Variants in TRMT11 observed in about 807,000 individuals in gnomAD.
TRMT11 encodes the protein tRNA methyltransferase 11.
Under a neutral mutation model 62.8 loss-of-function variants are expected in TRMT11, and 53 were observed. That is an observed-to-expected ratio of 0.84 (90% confidence interval 0.68 to 1.06). The LOEUF (loss-of-function observed/expected upper bound fraction) is 1.06. TRMT11 is among the 50% of genes least tolerant of loss of function. TRMT11 has a pLI of 0.00. For synonymous variants in TRMT11, 188 were observed against 190.3 expected (o/e 0.99, Z 0.10); for missense variants, 556 against 553.4 (o/e 1.00, Z -0.05).
chr6:126,154,331 GTGTGTGTA>G (rs1416043268), intron 21 of TRMT11, among the ~76,000 whole-genome samples: 6 of 145,462 alleles, frequency 4.1e-5, no homozygotes, highest in South Asian at 2.1e-4. Flanking sequence ...AGATATGTGT[GTGTGTGTA>G]TGTGTGTGTG....
chr6:126,151,717 T>C (rs1778041240), intron 21 of TRMT11, among the ~76,000 whole-genome samples: 1 of 150,528 alleles, frequency 6.6e-6, no homozygotes, highest in African/African-American at 2.4e-5. Context: ...TCTCTTTCCC[T>C]CCTTCCCTCC....
At chr6:126,256,155 T>C in the TRMT11 span, among the ~76,000 whole-genome samples, 2 of 152,226 alleles carry the variant, frequency 1.3e-5, no homozygotes, top group African/African-American at 4.8e-5. Context: ...CATGTGAGTG[T>C]TTCCATTGGG....
chr6:126,101,775 C>T (rs140950689), intron 17 of TRMT11, among the ~76,000 whole-genome samples: 210 of 152,360 alleles, frequency 1.4e-3, no homozygotes, highest in African/African-American at 4.9e-3. Context: ...TCATGCTCTT[C>T]TGTTCTTTTG....
chr6:126,088,738 T>G (rs541398706), intron 17 of TRMT11, among the ~76,000 whole-genome samples: 21 of 152,214 alleles, frequency 1.4e-4, no homozygotes, highest in Non-Finnish European at 2.4e-4. Flanking sequence ...ATGAGCATCT[T>G]TTAATTAGAG....
chr6:126,253,864 C>A, the TRMT11 span, among the ~76,000 whole-genome samples: 4 of 152,310 alleles, frequency 2.6e-5, no homozygotes, highest in Admixed American at 2.6e-4. Context: ...CTCTTCCTAG[C>A]AGACCTAGAA....
intron 21 of TRMT11, among the ~76,000 whole-genome samples, chr6:126,121,878 C>T (rs574912520): frequency 9.9e-5 from 15 of 152,216 alleles, no homozygotes; most frequent in Non-Finnish European, 1.5e-4. Context: ...GACACACAAA[C>T]AGCTCATCTG....
At chr6:126,195,633 G>A (rs746924103) in intron 1 of TRMT11, among the ~76,000 whole-genome samples, 1 of 152,128 alleles carries the variant, frequency 6.6e-6, no homozygotes, top group Non-Finnish European at 1.5e-5. Flanking sequence ...TCTCAAGTAT[G>A]TTCAGGCATC....
intron 1 of TRMT11, among the ~76,000 whole-genome samples, chr6:126,191,851 G>T (rs561011206): frequency 6.6e-6 from 1 of 152,146 alleles, no homozygotes; most frequent in East Asian, 1.9e-4. Flanking sequence ...TTACAGCTTT[G>T]TAATATAATT....
At chr6:126,126,288 T>G (rs1484296364) in intron 21 of TRMT11, among the ~76,000 whole-genome samples, 1 of 152,146 alleles carries the variant, frequency 6.6e-6, no homozygotes, top group Non-Finnish European at 1.5e-5. Context: ...TATTAATGTA[T>G]TTACTCATAT....
chr6:126,007,863 A>G (rs1054909177), intron 7 of TRMT11, among the ~76,000 whole-genome samples: 4 of 152,028 alleles, frequency 2.6e-5, no homozygotes, highest in African/African-American at 7.2e-5. Context: ...TACAGGAGTA[A>G]CTATATTAAA....
chr6:126,160,737 A>C (rs1778180369), intron 21 of TRMT11, among the ~76,000 whole-genome samples: 1 of 152,196 alleles, frequency 6.6e-6, no homozygotes, highest in Non-Finnish European at 1.5e-5. Flanking sequence ...AACTGAAAAC[A>C]GCAGACACTC....
At chr6:126,041,592 T>A (rs994914150), downstream of TRMT11, among the ~76,000 whole-genome samples, 24 of 152,154 alleles carry the variant, frequency 1.6e-4, no homozygotes, top group African/African-American at 5.5e-4. Context: ...TTTTGGGAAA[T>A]GATCTTATTT....
chr6:126,149,031 G>A (rs188470987), intron 21 of TRMT11, among the ~76,000 whole-genome samples: 2 of 152,322 alleles, frequency 1.3e-5, no homozygotes, highest in Non-Finnish European at 2.9e-5. Context: ...ACAAACCATA[G>A]TGTAATTATT....
At chr6:126,029,555 C>T (rs4897167) in intron 12 of TRMT11, among the ~76,000 whole-genome samples, 2 of 151,930 alleles carry the variant, frequency 1.3e-5, no homozygotes, top group Non-Finnish European at 2.9e-5. Context: ...ATTAATTATC[C>T]TTTTAATGGA....
At chr6:126,247,549 TATAA>T in the TRMT11 span, among the ~76,000 whole-genome samples, 2 of 146,622 alleles carry the variant, frequency 1.4e-5, no homozygotes, top group Admixed American at 1.4e-4. Flanking sequence ...TATATAAAAA[TATAA>T]ATAAATATAT....
In TRMT11 at chr6:126,147,544, A is replaced by G. The variant is rs542347064; in HGVS notation, c.*1824-27281A>G. Among the ~76,000 whole-genome samples the G allele has an allele frequency of 3.3e-5, 5 of 152,326 alleles. No homozygotes were observed. In the South Asian group the frequency reaches 1.0e-3, roughly 32 times the overall value. ...AACCAGGAAACACAATCTAGTGTTCATGATGGCTGTTCGTCCATGTATTAA... is the reference window on the plus strand; with the variant it reads ...AACCAGGAAACACAATCTAGTGTTCGTGATGGCTGTTCGTCCATGTATTAA... On this transcript the variant is annotated intron_variant and NMD_transcript_variant, in intron 21 of 22. Transcript: ENST00000648977.
At chr6:126,093,106 G>C (rs929879819) in intron 17 of TRMT11, among the ~76,000 whole-genome samples, 5 of 152,152 alleles carry the variant, frequency 3.3e-5, no homozygotes, top group African/African-American at 1.2e-4. Flanking sequence ...GAAAGAGGGA[G>C]TCTTTTTGGA....
chr6:126,103,460 A>G lies in TRMT11; in HGVS notation c.*1438-9406A>G, dbSNP rs138067200. On this transcript the variant is annotated intron_variant and NMD_transcript_variant, in intron 17 of 22. Transcript: ENST00000648977. ...ACACACATATATTTCTGTAATTACA[A>G]TTCTGTAGGTCAGGTGTTGGGCATG... Among the ~76,000 whole-genome samples the G allele has an allele frequency of 2.2e-3, 341 of 152,312 alleles. 1 individual carries two copies. Among genetic ancestry groups the G allele is most frequent in the African/African-American group, 7.9e-3 (327 of 41,570 alleles).
intron 17 of TRMT11, among the ~76,000 whole-genome samples, chr6:126,091,037 C>G (rs542251782): frequency 5.9e-5 from 9 of 152,158 alleles, no homozygotes; most frequent in Non-Finnish European, 1.0e-4. Flanking sequence ...TGGCGAAACC[C>G]AGTCTCTACT....
Sources: gnomAD v4.1 joint callset for allele counts (sites outside exome capture counted in the v4.1 genomes callset) on GRCh38, gnomAD v4.1.1 for gene constraint, MANE v1.5 for transcripts, NCBI Gene and HGNC (gene_info 2026-07-23, HGNC 2026-07-21) for gene names.